The following CNTNAP2 variants were observed in gnomAD, a reference collection of about 807,000 sequenced individuals.
The protein encoded by CNTNAP2 is contactin associated protein 2, also known as contactin-associated protein-like 2.
In CNTNAP2, 98 loss-of-function variants were observed where a neutral mutation model predicts 155.2. That is an observed-to-expected ratio of 0.63 (90% CI 0.54 to 0.75). The LOEUF (loss-of-function observed/expected upper bound fraction) is 0.75. Among genes scored for constraint, CNTNAP2 ranks in the 30% least tolerant of loss-of-function variants. The pLI, the probability that CNTNAP2 is intolerant of heterozygous loss-of-function variation, is 0.00. For synonymous variants in CNTNAP2, 651 were observed against 631.2 expected (o/e 1.03, Z -0.47); for missense variants, 1,727 against 1,688.1 (o/e 1.02, Z -0.40).
At chr7:146,314,484 C>T (rs1800876973) in intron 1 of CNTNAP2, among the ~76,000 whole-genome samples, 1 of 152,128 alleles carries the variant, frequency 6.6e-6, no homozygotes, top group Non-Finnish European at 1.5e-5. Flanking sequence ...TTCTGCCTTA[C>T]TCCAAGGAAT....
chr7:147,765,237 T>G (rs1797365709), intron 13 of CNTNAP2, among the ~76,000 whole-genome samples: 1 of 152,202 alleles, frequency 6.6e-6, no homozygotes, highest in African/African-American at 2.4e-5. Context: ...CATTCATTTC[T>G]GAAGAGCTTG....
chr7:147,993,333 A>G (rs1017863210), intron 15 of CNTNAP2, among the ~76,000 whole-genome samples: 1 of 152,194 alleles, frequency 6.6e-6, no homozygotes, highest in Non-Finnish European at 1.5e-5. Context: ...TTACTTAGGT[A>G]TCTTTATTTA....
At chr7:147,444,219 C>A (rs538581332) in intron 10 of CNTNAP2, among the ~76,000 whole-genome samples, 2 of 152,288 alleles carry the variant, frequency 1.3e-5, no homozygotes, top group South Asian at 4.1e-4. Flanking sequence ...CAGTCATTAA[C>A]CTTATCGCTT....
chr7:148,363,741 C>T (rs896582627), intron 21 of CNTNAP2, among the ~76,000 whole-genome samples: 1 of 152,224 alleles, frequency 6.6e-6, no homozygotes, highest in Non-Finnish European at 1.5e-5. Flanking sequence ...CTTCAGTCCC[C>T]CACTGCACTG....
At chr7:147,924,123 TTTTTCTTTTC>T (rs753679772) in intron 14 of CNTNAP2, among the ~76,000 whole-genome samples, 1 of 125,250 alleles carries the variant, frequency 8.0e-6, no homozygotes, top group Non-Finnish European at 1.6e-5. Flanking sequence ...TCTAAGCACT[TTTTTCTTTTC>T]TTTTCTTTTC....
chr7:146,919,343 G>A lies in CNTNAP2; in HGVS notation c.402+79439G>A, dbSNP rs28437450. ...CAGAGGGAAGATCTGGGACTCAAGG[G>A]CTGCTGTTCAGATTATTTTGTCCCA... On this transcript the variant is annotated intron_variant, in intron 3 of 23. Coordinates refer to ENST00000361727, the MANE Select transcript of CNTNAP2 (RefSeq NM_014141.6). 1.8e-3 allele frequency among the ~76,000 whole-genome samples: 272 copies of A among 152,270 alleles called. 4 individuals carry two copies. The highest frequency in any genetic ancestry group is 6.3e-3 in the African/African-American group (260 of 41,570).
chr7:147,610,946 C>T (rs1440443394), intron 12 of CNTNAP2, among the ~76,000 whole-genome samples: 15 of 151,952 alleles, frequency 9.9e-5, no homozygotes, highest in Non-Finnish European at 7.4e-5. Flanking sequence ...TGCCGTGTTG[C>T]CCAGGCTGGT....
intron 13 of CNTNAP2, among the ~76,000 whole-genome samples, chr7:147,657,852 C>A (rs1795548128): frequency 6.6e-6 from 1 of 152,094 alleles, no homozygotes; most frequent in South Asian, 2.1e-4. Flanking sequence ...GAAATATTTG[C>A]CTGAGTATCG....
At chr7:147,237,003 C>T (rs1053970839) in intron 8 of CNTNAP2, among the ~76,000 whole-genome samples, 5 of 146,038 alleles carry the variant, frequency 3.4e-5, no homozygotes, top group Admixed American at 2.1e-4. Context: ...TTCTTGTCTG[C>T]GTATCTAGCC....
chr7:147,249,603 G>GAAAAAA (rs1563133155), intron 8 of CNTNAP2, among the ~76,000 whole-genome samples: 2 of 24,346 alleles, frequency 8.2e-5, no homozygotes, highest in Non-Finnish European at 1.6e-4. Context: ...GACATTGGAG[G>GAAAAAA]TAAAAAAAAA....
intron 14 of CNTNAP2, among the ~76,000 whole-genome samples, chr7:147,964,241 T>C (rs1801166204): frequency 6.6e-6 from 1 of 152,126 alleles, no homozygotes; most frequent in Non-Finnish European, 1.5e-5. Flanking sequence ...TACCAACATG[T>C]TGATCTTGGA....
At chr7:147,389,406 C>A (rs185120745) in intron 9 of CNTNAP2, among the ~76,000 whole-genome samples, 95 of 152,264 alleles carry the variant, frequency 6.2e-4, no homozygotes, top group African/African-American at 2.1e-3. Context: ...TTGTTGTCCA[C>A]CGTTTGCTTT....
intron 1 of CNTNAP2, among the ~76,000 whole-genome samples, chr7:146,451,665 G>T (rs1796482012): frequency 6.6e-6 from 1 of 151,900 alleles, no homozygotes; most frequent in Admixed American, 6.6e-5. Flanking sequence ...TGTCTAGAAT[G>T]AGCTTTCTAT....
chr7:147,370,636 T>C (rs1471824468), intron 9 of CNTNAP2, among the ~76,000 whole-genome samples: 3 of 152,168 alleles, frequency 2.0e-5, no homozygotes, highest in East Asian at 1.9e-4. Context: ...TCGACAACTA[T>C]GTAAGACAAT....
intron 1 of CNTNAP2, among the ~76,000 whole-genome samples, chr7:146,439,622 A>G (rs1718086): frequency 0.037 from 5,637 of 151,544 alleles, 602 homozygotes; most frequent in African/African-American, 0.13. Context: ...ACTTCTTCAT[A>G]TTTGAAGTTT....
At chr7:147,552,728 A>G (rs1049673539) in intron 11 of CNTNAP2, among the ~76,000 whole-genome samples, 2 of 152,138 alleles carry the variant, frequency 1.3e-5, no homozygotes, top group Non-Finnish European at 2.9e-5. Context: ...TTCCTCCATA[A>G]TATCAGTAGA....
intron 1 of CNTNAP2, among the ~76,000 whole-genome samples, chr7:146,376,991 T>C (rs1795312798): frequency 6.6e-6 from 1 of 152,176 alleles, no homozygotes; most frequent in Non-Finnish European, 1.5e-5. Context: ...GATCTTGGCC[T>C]TCTCAGCCTC....
chr7:148,331,703 T>TGGATGGAGTGGATGGATGGAATGGAC (rs1798020876), intron 21 of CNTNAP2, among the ~76,000 whole-genome samples: 1 of 132,470 alleles, frequency 7.5e-6, no homozygotes, highest in African/African-American at 3.1e-5. Flanking sequence ...ATGGAGTGGA[T>TGGATGGAGTGGATGGATGGAATGGAC]GGATGGAGTG....
At chr7:146,839,295 AT>A (rs1803674835) in intron 2 of CNTNAP2, among the ~76,000 whole-genome samples, 1 of 152,084 alleles carries the variant, frequency 6.6e-6, no homozygotes, top group Non-Finnish European at 1.5e-5. Flanking sequence ...ATTGTGTATA[AT>A]TGCTTGTTTT....
Sources: gnomAD v4.1 joint callset for allele counts (sites outside exome capture counted in the v4.1 genomes callset) on GRCh38, gnomAD v4.1.1 for gene constraint, MANE v1.5 for transcripts, NCBI Gene and HGNC (gene_info 2026-07-23, HGNC 2026-07-21) for gene names.